ADAM32: variants seen among roughly 807,000 people sequenced by gnomAD.
ADAM32 encodes the protein ADAM metallopeptidase domain 32.
A neutral mutation model predicts 114.9 loss-of-function variants in ADAM32; 89 were observed. The observed-to-expected ratio is 0.77, with a 90% confidence interval of 0.65 to 0.92. The LOEUF is 0.92. ADAM32 is among the 40% of genes least tolerant of loss of function. The probability of loss-of-function intolerance (pLI) is 0.00; values close to 1 mark genes in which losing one functional copy is unlikely to be tolerated. For missense variants in ADAM32, 870 were observed against 932.8 expected, an observed-to-expected ratio of 0.93 and a Z score of 0.88; for synonymous variants, 285 against 307.5, an observed-to-expected ratio of 0.93 and a Z score of 0.77.
chr8:39,107,903 C>A, intron 1 of ADAM32, 70 bp downstream of exon 1: 1 of 1,453,318 alleles, frequency 6.9e-7, no homozygotes, highest in South Asian at 1.4e-5. Flanking sequence ...CTGCAAAGCC[C>A]GGGGCCCTCC....
intron 19 of ADAM32, among the ~76,000 whole-genome samples, chr8:39,259,029 G>T (rs1811841422): frequency 6.6e-6 from 1 of 151,702 alleles, no homozygotes; most frequent in Non-Finnish European, 1.5e-5. Flanking sequence ...GCATTTAGCT[G>T]GTGTCTTATA....
At chr8:39,134,815 A>C (rs938089199) in intron 2 of ADAM32, among the ~76,000 whole-genome samples, 5 of 152,216 alleles carry the variant, frequency 3.3e-5, no homozygotes, top group Non-Finnish European at 7.3e-5. Context: ...GGTTTGAGAA[A>C]AATATTCATC....
At chr8:39,271,853 A>G (rs1812752001) in intron 20 of ADAM32, among the ~76,000 whole-genome samples, 1 of 152,068 alleles carries the variant, frequency 6.6e-6, no homozygotes, top group South Asian at 2.1e-4. Context: ...AGACTGTTAG[A>G]AAATAGTGAG....
At chr8:39,140,869 G>A (rs1326324824) in intron 3 of ADAM32, among the ~76,000 whole-genome samples, 1 of 152,126 alleles carries the variant, frequency 6.6e-6, no homozygotes, top group African/African-American at 2.4e-5. Context: ...CTTCTTCCTG[G>A]TTTAGTCTTG....
intron 15 of ADAM32, among the ~76,000 whole-genome samples, chr8:39,232,418 C>T (rs1809802509): frequency 6.6e-6 from 1 of 152,084 alleles, no homozygotes; most frequent in Non-Finnish European, 1.5e-5. Context: ...TTTTCCTTTC[C>T]ATCCCACTTG....
chr8:39,167,117 C>T (rs1804888706), intron 9 of ADAM32: 1 of 152,178 alleles, frequency 6.6e-6, no homozygotes, highest in Non-Finnish European at 1.5e-5. Flanking sequence ...CTTGCCTAAG[C>T]CAATGTCTGG....
chr8:39,129,258 G>C lies in ADAM32; in HGVS notation c.139-7399G>C, dbSNP rs548911149. ...GTCTTTAGTTTGTTGAATGGAAATG[G>C]TAAGAGGGGGCATTTCTGCTTTGTT... On this transcript the variant is annotated intron_variant, in intron 2 of 24. Transcript: ENST00000379907. 2.0e-5 allele frequency among the ~76,000 whole-genome samples: 3 copies of C among 151,996 alleles called. No individual in the cohort carries two copies. The East Asian group carries it at 5.8e-4, about 29-fold the overall frequency.
At chr8:39,139,635 T>G (rs1415900564) in intron 3 of ADAM32, among the ~76,000 whole-genome samples, 1 of 152,218 alleles carries the variant, frequency 6.6e-6, no homozygotes, top group Non-Finnish European at 1.5e-5. Flanking sequence ...TTCTTTTTGC[T>G]TAGGATTATC....
At chr8:39,179,707 T>C (rs1805731788) in intron 10 of ADAM32, among the ~76,000 whole-genome samples, 1 of 152,066 alleles carries the variant, frequency 6.6e-6, no homozygotes, top group Non-Finnish European at 1.5e-5. Flanking sequence ...CCTGGCTCCA[T>C]GCCACTCCTG....
Position 39,149,863 on chromosome 8 carries a change from C to T in ADAM32, c.349C>T (p.Leu117=). The T allele has an allele frequency of 1.9e-6, 3 of 1,607,006 alleles. No individual in the cohort carries two copies. Among genetic ancestry groups the T allele is most frequent in the Non-Finnish European group, 2.6e-6 (3 of 1,175,570 alleles). ...GGTCACACTCAGCACGTGCTCTGGA[C>T]TAAGGTTGTTTTCTGTTGTTGATTA... is the stretch of plus-strand genomic sequence containing the variant. ...SMVTLSTCSG[L]RGILQFENVS... Residue 117 remains leucine, a synonymous_variant, in exon 5 of 25, where the codon CTA becomes TTA. Transcript: ENST00000379907.
intron 1 of ADAM32, among the ~76,000 whole-genome samples, chr8:39,114,265 G>A (rs1840284518): frequency 1.3e-5 from 2 of 152,206 alleles, no homozygotes; most frequent in Admixed American, 6.5e-5. Flanking sequence ...TAGTCATCAT[G>A]GTAAAAGGAC....
chr8:39,224,767 C>T (rs1280067343), intron 14 of ADAM32, among the ~76,000 whole-genome samples: 1 of 151,738 alleles, frequency 6.6e-6, no homozygotes, highest in Non-Finnish European at 1.5e-5. Context: ...GGTCTTCATC[C>T]CCTCACAAAA....
Position 39,198,480 on chromosome 8 carries a change from C to T in ADAM32, c.1052+11435C>T, listed in dbSNP as rs28819095. Among the ~76,000 whole-genome samples the T allele has an allele frequency of 5.8e-3, 883 of 152,188 alleles. 4 individuals carry two copies. Among genetic ancestry groups the T allele is most frequent in the African/African-American group, 0.019 (800 of 41,524 alleles). On this transcript the variant is annotated intron_variant, in intron 11 of 24. Transcript: ENST00000379907. ...GCAACCTCTGCCTCCCGGGTTCAAACGATTCTCCTGCCTCAGCCCCTCAAG... is the reference window on the plus strand; with the variant it reads ...GCAACCTCTGCCTCCCGGGTTCAAATGATTCTCCTGCCTCAGCCCCTCAAG...
At chr8:39,246,369 C>T (rs574375784) in intron 17 of ADAM32, among the ~76,000 whole-genome samples, 1 of 152,118 alleles carries the variant, frequency 6.6e-6, no homozygotes, top group South Asian at 2.1e-4. Flanking sequence ...TTGCTAATGA[C>T]CTAAATATAT....
chr8:39,234,769 A>G (rs918126244), intron 16 of ADAM32, among the ~76,000 whole-genome samples: 1 of 152,258 alleles, frequency 6.6e-6, no homozygotes, highest in Non-Finnish European at 1.5e-5. Flanking sequence ...AGAGGGAATA[A>G]CACAGCAAAG....
At chr8:39,113,822 C>T (rs915503077) in intron 1 of ADAM32, among the ~76,000 whole-genome samples, 1 of 152,174 alleles carries the variant, frequency 6.6e-6, no homozygotes, top group Non-Finnish European at 1.5e-5. Flanking sequence ...TACGACAGGA[C>T]AGTTGACAGC....
At chr8:39,275,027 A>G (rs1295914452) in intron 21 of ADAM32, among the ~76,000 whole-genome samples, 1 of 152,162 alleles carries the variant, frequency 6.6e-6, no homozygotes, top group Non-Finnish European at 1.5e-5. Flanking sequence ...TCCTAAGCCA[A>G]TTTAAGTGCT....
chr8:39,243,599 T>C (rs1201932369), intron 16 of ADAM32, among the ~76,000 whole-genome samples: 1 of 152,064 alleles, frequency 6.6e-6, no homozygotes, highest in Non-Finnish European at 1.5e-5. Flanking sequence ...ATTAAAACCC[T>C]CAGAAAAATT....
intron 10 of ADAM32, 108 bp downstream of exon 10, chr8:39,170,105 C>T: frequency 1.3e-6 from 1 of 781,342 alleles, no homozygotes; most frequent in South Asian, 2.7e-5. Context: ...TTACAGATTG[C>T]ATTTTTTTCC....
Sources: allele counts gnomAD v4.1 joint callset (sites outside exome capture counted in the v4.1 genomes callset), GRCh38; gene constraint gnomAD v4.1.1; transcripts MANE v1.5; gene names NCBI Gene and HGNC (gene_info 2026-07-23, HGNC 2026-07-21).